FBXO48: variants seen among roughly 807,000 people sequenced by gnomAD.
The protein encoded by FBXO48 is F-box protein 48.
In FBXO48, 12 loss-of-function variants were observed where a neutral mutation model predicts 14.3. That is an observed-to-expected ratio of 0.84 (90% CI 0.54 to 1.36). The LOEUF is 1.36. Ranked by LOEUF, FBXO48 falls within the 40% of genes most tolerant of loss-of-function variation. The pLI is 0.00. For synonymous variants in FBXO48, 53 were observed against 61.7 expected (o/e 0.86, Z 0.66); for missense variants, 177 against 179.1 (o/e 0.99, Z 0.07).
chr2:68,465,284 G>C, intron 2 of FBXO48, 106 bp from the exon 3 acceptor site: 1 of 648,766 alleles, frequency 1.5e-6, no homozygotes, highest in South Asian at 2.0e-5. Context: ...CTTGACTTTA[G>C]CTTCTCAATC....
intron 2 of FBXO48, 74 bp downstream of exon 2, chr2:68,466,070 T>C (rs1300675097): frequency 6.6e-6 from 1 of 152,174 alleles, no homozygotes; most frequent in African/African-American, 2.4e-5. Flanking sequence ...CTGTAAACAA[T>C]GTTTAGAACT....
At position 68,460,343 on chromosome 2, in the gene FBXO48, T is replaced by C. The variant is rs1675230266; in HGVS notation, c.*3866A>G. On this transcript the variant is annotated 3_prime_UTR_variant, in exon 4 of 4. Coordinates refer to ENST00000377957, the MANE Select transcript of FBXO48 (RefSeq NM_001024680.3). ...GGGGAAGAGGTGAATTACTTAGATA[T>C]TTGGATGATAAAATCAAGTAAGAAT... 6.6e-6 allele frequency: 1 copy of C among 152,106 alleles called. No homozygotes were observed. Among genetic ancestry groups the C allele is most frequent in the African/African-American group, 2.4e-5 (1 of 41,410 alleles). The allele number at this position is 152,106 out of a possible 1,614,324, so 9.4% of individuals were successfully genotyped here.
At chr2:68,464,802 C>A in intron 3 of FBXO48, 38 bp downstream of exon 3, 1 of 1,492,898 alleles carries the variant, frequency 6.7e-7, no homozygotes, top group Non-Finnish European at 9.2e-7. Context: ...TATCATAACG[C>A]TGTCAACAAC....
rs553977797 is a variant in FBXO48 at position 68,461,198 on chromosome 2, G to C, written c.*3011C>G. The stretch of plus-strand genomic sequence containing the variant: ...GCAGATAAGGAATGGCTGGGACCAG[G>C]GTCTGGAATATAATCAGGCCTCTTT... On this transcript the variant is annotated 3_prime_UTR_variant, in exon 4 of 4. Coordinates refer to ENST00000377957, the MANE Select transcript of FBXO48 (RefSeq NM_001024680.3). The C allele has an allele frequency of 6.6e-6, 1 of 152,266 alleles. No individual in the cohort carries two copies. Among genetic ancestry groups the C allele is most frequent in the African/African-American group, 2.4e-5 (1 of 41,538 alleles). The allele number at this position is 152,266 out of a possible 1,614,324, so 9.4% of individuals were successfully genotyped here. A position where few individuals can be genotyped will look rare whatever the true frequency, so the allele number is the denominator to read the frequency against.
chr2:68,465,010 T>A lies in FBXO48; in HGVS notation c.136A>T (p.Ile46Phe), dbSNP rs1184810602. 6.2e-7 allele frequency: 1 copy of A among 1,613,862 alleles called. No homozygotes were observed. Among genetic ancestry groups the A allele is most frequent in the African/African-American group, 1.3e-5 (1 of 74,914 alleles). ...CTCCGAATGTCCAGCTGACTGAAAA[T>A]TTTAAAAGTGATTTCTGCAGGCAGC... ...ELLPAEITFKIFSQLDIRSLC... is the reference protein window; with the variant it reads ...ELLPAEITFKFFSQLDIRSLC... Residue 46 changes from isoleucine (I) to phenylalanine (F), a missense_variant, in exon 3 of 4, where the codon ATT (isoleucine) becomes TTT (phenylalanine). Coordinates refer to ENST00000377957, the MANE Select transcript of FBXO48 (RefSeq NM_001024680.3).
At position 68,460,266 on chromosome 2, in the gene FBXO48, A is replaced by G. The variant is rs1675229795; in HGVS notation, c.*3943T>C. 6.6e-6 allele frequency: 1 copy of G among 152,202 alleles called. No individual in the cohort carries two copies. Among genetic ancestry groups the G allele is most frequent in the East Asian group, 1.9e-4 (1 of 5,202 alleles). 9.4% of individuals were successfully genotyped at this position (152,202 alleles called of 1,614,324 possible). ...ACACCAGTAAGAGGTTATTTTAGAA[A>G]TCCCAATGTCAAATAAGGACAAGAA... On this transcript the variant is annotated 3_prime_UTR_variant, in exon 4 of 4. Coordinates refer to ENST00000377957, the MANE Select transcript of FBXO48 (RefSeq NM_001024680.3).
At position 68,464,390 on chromosome 2, in the gene FBXO48, G is replaced by A. The variant is rs370342467; in HGVS notation, c.307-20C>T. On this transcript the variant is annotated intron_variant, in intron 3 of 3. Coordinates refer to ENST00000377957, the MANE Select transcript of FBXO48 (RefSeq NM_001024680.3). ...TATCACCTGAAAGAGGTAAATCACC[G>A]TTAAAAAAGACTGTAGTAGGTGGTT... The A allele has an allele frequency of 1.2e-4, 192 of 1,610,748 alleles. 5 individuals carry two copies. The South Asian group carries it at 1.8e-3, about 15-fold the overall frequency.
In FBXO48 at chr2:68,464,988, C is replaced by T; in HGVS notation, c.158G>A (p.Arg53Gln). 1.5e-5 allele frequency: 24 copies of T among 1,613,896 alleles called. No homozygotes were observed. The highest frequency in any genetic ancestry group is 1.9e-5 in the Non-Finnish European group (22 of 1,180,026). The change falls in exon 3 of 4, where the codon CGG becomes CAG. Residue 53 changes from arginine to glutamine, a missense_variant. Arg to Gln is a conservative substitution (Grantham distance 43). Coordinates refer to ENST00000377957, the MANE Select transcript of FBXO48 (RefSeq NM_001024680.3). ...TFKIFSQLDI[R>Q]SLCRASLTCR... ...TGTCAATGAAGCCCTGCACAGACTC[C>T]GAATGTCCAGCTGACTGAAAATTTT...
intron 2 of FBXO48, among the ~76,000 whole-genome samples, chr2:68,465,538 A>G (rs868354657): frequency 3.2e-4 from 42 of 132,832 alleles, no homozygotes; most frequent in African/African-American, 1.1e-3. Flanking sequence ...AAAAAAAAAG[A>G]AAAAAAAAAA....
intron 3 of FBXO48, 105 bp from the exon 4 acceptor site, chr2:68,464,475 T>G: frequency 1.0e-6 from 1 of 956,406 alleles, no homozygotes; most frequent in South Asian, 1.4e-5. Flanking sequence ...AAAAGAGTAT[T>G]TACATTTATA....
intron 2 of FBXO48, 147 bp from the exon 3 acceptor site, chr2:68,465,325 G>A (rs1013639735): frequency 1.0e-5 from 6 of 592,020 alleles, no homozygotes; most frequent in Non-Finnish European, 1.5e-5. Flanking sequence ...CCGCTCTCCT[G>A]AAAGTTCTTG....
In FBXO48 at chr2:68,462,607, C is replaced by G. The variant is rs1675295808; in HGVS notation, c.*1602G>C. On this transcript the variant is annotated 3_prime_UTR_variant, in exon 4 of 4. Coordinates refer to ENST00000377957, the MANE Select transcript of FBXO48 (RefSeq NM_001024680.3). ...TTCTGACCTGAGGTGATCCACCCAC[C>G]TTGGTCTCCCAAAGTGCTGGGATTA... The G allele has an allele frequency of 6.6e-6, 1 of 152,378 alleles. No individual in the cohort carries two copies. The highest frequency in any genetic ancestry group is 1.9e-4 in the East Asian group (1 of 5,200). The allele number at this position is 152,378 out of a possible 1,614,324, so 9.4% of individuals were successfully genotyped here. A position where few individuals can be genotyped will look rare whatever the true frequency, so the allele number is the denominator to read the frequency against.
At chr2:68,464,744 T>C (rs1675354718) in intron 3 of FBXO48, 96 bp downstream of exon 3, 8 of 867,522 alleles carry the variant, frequency 9.2e-6, no homozygotes, top group African/African-American at 1.7e-5. Context: ...ATTCTGCATA[T>C]GTAATTCTGA....
In FBXO48 at chr2:68,462,975, C is replaced by T. The variant is rs1375385353; in HGVS notation, c.*1234G>A. On this transcript the variant is annotated 3_prime_UTR_variant, in exon 4 of 4. Transcript: ENST00000377957. ...TTGGGCTGGCTGACTGACAGTGTTC[C>T]TATTGAGAAAATTACTGAATAGTCC... 3 of 152,184 alleles carry T rather than the reference C, an allele frequency of 2.0e-5. No homozygotes were observed. Among genetic ancestry groups the T allele is most frequent in the African/African-American group, 7.2e-5 (3 of 41,450 alleles). 9.4% of individuals were successfully genotyped at this position (152,184 alleles called of 1,614,324 possible). A position where few individuals can be genotyped will look rare whatever the true frequency, so the allele number is the denominator to read the frequency against.
intron 2 of FBXO48, among the ~76,000 whole-genome samples, chr2:68,465,522 TAAAAAAAAAAAAAAG>T (rs1675382605): frequency 1.8e-5 from 2 of 111,526 alleles, no homozygotes; most frequent in South Asian, 5.7e-4. Context: ...CGCCCCTCTT[TAAAAAAAAAAAAAAG>T]AAAAAAAAAA....
chr2:68,461,252 T>A lies in FBXO48; in HGVS notation c.*2957A>T, dbSNP rs142294059. 1 of 151,866 alleles carries A rather than the reference T, an allele frequency of 6.6e-6. No individual in the cohort carries two copies. The highest frequency in any genetic ancestry group is 1.5e-5 in the Non-Finnish European group (1 of 67,984). 9.4% of individuals were successfully genotyped at this position (151,866 alleles called of 1,614,324 possible). On this transcript the variant is annotated 3_prime_UTR_variant, in exon 4 of 4. Transcript: ENST00000377957. Reference sequence around the variant, plus strand: ...TGCAATTGTTCTTTCCCCTGGTGGCTCCACATTCTCTTACTTAAGATCCGT... The same window carrying A: ...TGCAATTGTTCTTTCCCCTGGTGGCACCACATTCTCTTACTTAAGATCCGT...
At position 68,460,868 on chromosome 2, in the gene FBXO48, G is replaced by C. The variant is rs1675244892; in HGVS notation, c.*3341C>G. Reference sequence around the variant, plus strand: ...CTATAGTTCCAACCCATGGAGGAGAGAGTTTTAAGAAGTACTTATGTGTGT... The same window carrying C: ...CTATAGTTCCAACCCATGGAGGAGACAGTTTTAAGAAGTACTTATGTGTGT... On this transcript the variant is annotated 3_prime_UTR_variant, in exon 4 of 4. Transcript: ENST00000377957. 1 of 152,134 alleles carries C rather than the reference G, an allele frequency of 6.6e-6. No homozygotes were observed. Among genetic ancestry groups the C allele is most frequent in the Admixed American group, 6.5e-5 (1 of 15,278 alleles). 9.4% of individuals were successfully genotyped at this position (152,134 alleles called of 1,614,324 possible). A position where few individuals can be genotyped will look rare whatever the true frequency, so the allele number is the denominator to read the frequency against.
chr2:68,464,465 A>C lies in FBXO48; in HGVS notation c.307-95T>G, dbSNP rs573898582. ...GAGAAGCAGATTGACAGGGCTGAAA[A>C]AAAGAGTATTTACATTTATATATAC... On this transcript the variant is annotated intron_variant, in intron 3 of 3. Coordinates refer to ENST00000377957, the MANE Select transcript of FBXO48 (RefSeq NM_001024680.3). 4.7e-6 allele frequency: 5 copies of C among 1,073,824 alleles called. No individual in the cohort carries two copies. In the Admixed American group the frequency reaches 7.7e-5, roughly 16 times the overall value. The allele number at this position is 1,073,824 out of a possible 1,614,324, so 66.5% of individuals were successfully genotyped here. A position where few individuals can be genotyped will look rare whatever the true frequency, so the allele number is the denominator to read the frequency against.
rs1558520353 is a variant in FBXO48, at chr2:68,463,608, T to C, written c.*601A>G. 1 of 152,152 alleles carries C rather than the reference T, an allele frequency of 6.6e-6. No individual in the cohort carries two copies. The highest frequency in any genetic ancestry group is 1.5e-5 in the Non-Finnish European group (1 of 68,040). The allele number at this position is 152,152 out of a possible 1,614,324, so 9.4% of individuals were successfully genotyped here. On this transcript the variant is annotated 3_prime_UTR_variant, in exon 4 of 4. Coordinates refer to ENST00000377957, the MANE Select transcript of FBXO48 (RefSeq NM_001024680.3). ...CCGTTCCAGGTTTATATAAAATTAA[T>C]GGGAATCTCAATTGGACAAACTTTA...
Sources: allele counts gnomAD v4.1 joint callset (sites outside exome capture counted in the v4.1 genomes callset), GRCh38; gene constraint gnomAD v4.1.1; transcripts MANE v1.5; gene names NCBI Gene and HGNC (gene_info 2026-07-23, HGNC 2026-07-21).